Variants in MLANA observed in about 807,000 individuals in gnomAD.
The protein encoded by MLANA is melan-A.
In MLANA, 21 loss-of-function variants were observed where a neutral mutation model predicts 15.7. That is an observed-to-expected ratio of 1.33 (90% CI 0.95 to 1.92). MLANA has a LOEUF of 1.92. Ranked by LOEUF, MLANA falls within the 40% of genes most tolerant of loss-of-function variation. MLANA has a pLI of 0.00. For missense variants in MLANA, 164 were observed against 143.8 expected (o/e 1.14, Z -0.72); for synonymous variants, 56 against 51.5 (o/e 1.09, Z -0.37).
At chr9:5,906,567 G>C (rs938040067) in intron 3 of MLANA, among the ~76,000 whole-genome samples, 2 of 152,188 alleles carry the variant, frequency 1.3e-5, no homozygotes, top group African/African-American at 4.8e-5. Context: ...AATTTCACAA[G>C]AGTGTTCCTT....
At chr9:5,908,436 T>C (rs1832956071) in intron 4 of MLANA, among the ~76,000 whole-genome samples, 1 of 152,224 alleles carries the variant, frequency 6.6e-6, no homozygotes, top group Admixed American at 6.5e-5. Context: ...CTTAACCCTA[T>C]TTTTCTCTAC....
At chr9:5,908,573 C>G in intron 4 of MLANA, 67 bp from the exon 5 acceptor site, 2 of 1,335,798 alleles carry the variant, frequency 1.5e-6, no homozygotes, top group Non-Finnish European at 2.1e-6. Context: ...ACTATTTTAA[C>G]TTAATCCCTT....
intron 3 of MLANA, among the ~76,000 whole-genome samples, chr9:5,904,393 ACT>A (rs1376883660): frequency 6.6e-6 from 1 of 150,524 alleles, no homozygotes; most frequent in East Asian, 2.0e-4. Context: ...TTTTGTCTTT[ACT>A]CTTTTTCTGC....
At chr9:5,891,306 T>C (rs1831643573) in intron 1 of MLANA, 1 of 152,224 alleles carries the variant, frequency 6.6e-6, no homozygotes, top group Non-Finnish European at 1.5e-5. Flanking sequence ...GTTTGAGGTA[T>C]GGGATGTATT....
chr9:5,902,163 T>C (rs1832471035), intron 3 of MLANA, among the ~76,000 whole-genome samples: 2 of 152,226 alleles, frequency 1.3e-5, no homozygotes, highest in Non-Finnish European at 2.9e-5. Flanking sequence ...TGGAAAGTTA[T>C]TATTGATTCA....
chr9:5,906,488 T>A (rs181552732), intron 3 of MLANA, among the ~76,000 whole-genome samples: 2 of 152,378 alleles, frequency 1.3e-5, no homozygotes, highest in Admixed American at 1.3e-4. Flanking sequence ...GCAAGGCAGG[T>A]CTACTGGCAA....
At chr9:5,908,004 T>G (rs534752949) in intron 4 of MLANA, among the ~76,000 whole-genome samples, 1 of 152,152 alleles carries the variant, frequency 6.6e-6, no homozygotes, top group Admixed American at 6.5e-5. Context: ...ACCATATTTC[T>G]ATTGGACAGC....
chr9:5,906,884 G>C lies in MLANA; in HGVS notation c.175-1G>C. ...CTCACCTTTATCAATTTACATTTCA[G>C]GATAAAAGTCTTCATGTTGGCACTC... On this transcript the variant is annotated splice_acceptor_variant, in intron 3 of 4. Coordinates refer to ENST00000381477, the MANE Select transcript of MLANA (RefSeq NM_005511.2). LOFTEE classifies it high-confidence loss of function. 1 of 1,564,148 alleles carries C rather than the reference G, an allele frequency of 6.4e-7. No homozygotes were observed. The highest frequency in any genetic ancestry group is 8.6e-7 in the Non-Finnish European group (1 of 1,157,918).
chr9:5,895,678 A>C (rs1171814796), intron 2 of MLANA, among the ~76,000 whole-genome samples: 1 of 152,218 alleles, frequency 6.6e-6, no homozygotes, highest in Non-Finnish European at 1.5e-5. Flanking sequence ...AGGTGCTGCC[A>C]CCTAAGAGGC....
At chr9:5,897,858 CCT>C (rs1221773875) in intron 3 of MLANA, among the ~76,000 whole-genome samples, 1 of 152,238 alleles carries the variant, frequency 6.6e-6, no homozygotes, top group East Asian at 1.9e-4. Context: ...AGGAACTTGC[CCT>C]GTGTCTTAGT....
chr9:5,895,516 A>C (rs567004873), intron 2 of MLANA, among the ~76,000 whole-genome samples: 1 of 152,224 alleles, frequency 6.6e-6, no homozygotes, highest in Non-Finnish European at 1.5e-5. Flanking sequence ...GGAATGAAGA[A>C]GAATGATGCA....
chr9:5,898,027 G>A (rs1832150621), intron 3 of MLANA: 1 of 198,986 alleles, frequency 5.0e-6, no homozygotes, highest in Non-Finnish European at 1.1e-5. Flanking sequence ...ACATGGGCAA[G>A]GGAGTGAGAG....
chr9:5,892,549 A>G lies in MLANA; in HGVS notation c.75A>G (p.Glu25=), dbSNP rs1329128372. ...ACGGCCACTCTTACACCACGGCTGAAGAGTAAGTTCAAAACCAGACCCAGC... is the reference window on the plus strand; with the variant it reads ...ACGGCCACTCTTACACCACGGCTGAGGAGTAAGTTCAAAACCAGACCCAGC... ...KGHGHSYTTA[E]EAAGIGILTV... The change falls in exon 2 of 5, where the codon GAA becomes GAG. Residue 25 remains glutamate, a splice_region_variant and synonymous_variant. Coordinates refer to ENST00000381477, the MANE Select transcript of MLANA (RefSeq NM_005511.2). The G allele has an allele frequency of 2.5e-6, 4 of 1,612,374 alleles. No homozygotes were observed. The highest frequency in any genetic ancestry group is 3.4e-6 in the Non-Finnish European group (4 of 1,179,546).
intron 2 of MLANA, 76 bp from the exon 3 acceptor site, chr9:5,897,481 A>G (rs1832106596): frequency 5.2e-6 from 7 of 1,354,228 alleles, no homozygotes; most frequent in Non-Finnish European, 7.4e-6. Flanking sequence ...TATGAAGAGG[A>G]AGACTGATTT....
intron 2 of MLANA, among the ~76,000 whole-genome samples, chr9:5,895,562 T>C (rs1831957584): frequency 6.6e-6 from 1 of 152,200 alleles, no homozygotes; most frequent in African/African-American, 2.4e-5. Flanking sequence ...AAGGACTACA[T>C]ACCTGCTTTG....
chr9:5,891,357 T>C (rs1427419717), intron 1 of MLANA: 1 of 152,228 alleles, frequency 6.6e-6, no homozygotes, highest in African/African-American at 2.4e-5. Context: ...TTCTGTCATT[T>C]TGAACACAGG....
chr9:5,902,989 C>T (rs916350105), intron 3 of MLANA, among the ~76,000 whole-genome samples: 4 of 152,200 alleles, frequency 2.6e-5, no homozygotes, highest in African/African-American at 7.2e-5. Context: ...ACTGCTTGCA[C>T]TGCTAAGCAG....
intron 3 of MLANA, among the ~76,000 whole-genome samples, chr9:5,901,001 G>T (rs1309130064): frequency 2.6e-5 from 4 of 152,086 alleles, no homozygotes; most frequent in Non-Finnish European, 5.9e-5. Flanking sequence ...CAGATTCTGG[G>T]ATCATCTCTG....
chr9:5,901,652 G>A (rs374886177), intron 3 of MLANA, among the ~76,000 whole-genome samples: 70 of 152,130 alleles, frequency 4.6e-4, no homozygotes, highest in African/African-American at 1.6e-3. Flanking sequence ...CCAAGTAGCT[G>A]GGACCACAGG....
Sources: gnomAD v4.1 joint callset for allele counts (sites outside exome capture counted in the v4.1 genomes callset) on GRCh38, gnomAD v4.1.1 for gene constraint, MANE v1.5 for transcripts, NCBI Gene and HGNC (gene_info 2026-07-23, HGNC 2026-07-21) for gene names.